Variants in TNRC6A observed in about 807,000 individuals in gnomAD.
TNRC6A encodes trinucleotide repeat-containing gene 6A protein.
A neutral mutation model predicts 221.2 loss-of-function variants in TNRC6A; 44 were observed. That is an observed-to-expected ratio of 0.20 (90% CI 0.16 to 0.26). The LOEUF (loss-of-function observed/expected upper bound fraction) is 0.26, where lower values mean the gene tolerates loss of function less well. TNRC6A is among the 10% of genes least tolerant of loss of function. TNRC6A has a pLI of 1.00. For missense variants in TNRC6A, 2,199 were observed against 2,404.4 expected, an observed-to-expected ratio of 0.91 and a Z score of 1.79; for synonymous variants, 847 against 838.5, an observed-to-expected ratio of 1.01 and a Z score of -0.18.
Position 24,822,942 on chromosome 16 carries a change from C to G in TNRC6A, c.5442C>G (p.Leu1814=), listed in dbSNP as rs866115671. ...HGPLITFHLN[L]PHGNALVRYS... ...CGCTGATCACATTCCACCTGAACCT[C>G]CCTCACGGAAATGCTCTGGTCCGCT... Residue 1814 remains leucine, a synonymous_variant, in exon 24 of 25, where the codon CTC becomes CTG. Transcript: ENST00000395799. 1 of 1,614,124 alleles carries G rather than the reference C, an allele frequency of 6.2e-7. No homozygotes were observed. The highest frequency in any genetic ancestry group is 2.2e-5 in the East Asian group (1 of 44,896).
At chr16:24,714,302 C>CTTTTTTTTTTTTTTTTT (rs60469088) in intron 2 of TNRC6A, among the ~76,000 whole-genome samples, 2 of 71,272 alleles carry the variant, frequency 2.8e-5, no homozygotes, top group Non-Finnish European at 4.9e-5. Context: ...TGCTGTTAAT[C>CTTTTTTTTTTTTTTTTT]TTTTTTTTTT....
At chr16:24,795,223 A>C (rs1420334058) in intron 8 of TNRC6A, among the ~76,000 whole-genome samples, 1 of 152,216 alleles carries the variant, frequency 6.6e-6, no homozygotes, top group Non-Finnish European at 1.5e-5. Flanking sequence ...TGTGTGGACA[A>C]ATCATATTCC....
intron 2 of TNRC6A, among the ~76,000 whole-genome samples, chr16:24,684,738 C>A (rs528499245): frequency 5.3e-5 from 8 of 150,868 alleles, no homozygotes; most frequent in Admixed American, 3.3e-4. Flanking sequence ...CCCAAGAGTT[C>A]GAGGTTACCG....
At chr16:24,816,513 C>T in intron 19 of TNRC6A, 1 of 245,688 alleles carries the variant, frequency 4.1e-6, no homozygotes, top group African/African-American at 2.3e-5. Context: ...CTCAAACATA[C>T]ATACATATAT....
Position 24,790,527 on chromosome 16 carries a change from A to AGTG in TNRC6A, c.1886_1888dup (p.Ser629_Ala630insGly). 6.2e-7 allele frequency: 1 copy of AGTG among 1,614,252 alleles called. No individual in the cohort carries two copies. The highest frequency in any genetic ancestry group is 8.5e-7 in the Non-Finnish European group (1 of 1,180,042). On this transcript the variant is annotated inframe_insertion, in exon 6 of 25. Transcript: ENST00000395799. ...GCCTAGCAATCAGCATTCCAATGAT[A>AGTG]GTGCAAATGGCAATGGTAAGACGTT...
At chr16:24,818,043 G>A (rs1037322736) in intron 20 of TNRC6A, among the ~76,000 whole-genome samples, 2 of 152,202 alleles carry the variant, frequency 1.3e-5, no homozygotes, top group Non-Finnish European at 2.9e-5. Context: ...AACTGGTGTA[G>A]TAATCCAGAT....
rs748075201 is a variant in TNRC6A, at chr16:24,790,039, A to C, written c.1397A>C (p.Asn466Thr). The C allele has an allele frequency of 6.2e-7, 1 of 1,614,114 alleles. No homozygotes were observed. Among genetic ancestry groups the C allele is most frequent in the Non-Finnish European group, 8.5e-7 (1 of 1,180,018 alleles). Residue 466 changes from asparagine to threonine, a missense_variant, in exon 6 of 25, where the codon AAC becomes ACC. Physicochemically the swap from Asn to Thr is moderately conservative, Grantham distance 65. Coordinates refer to ENST00000395799, the MANE Select transcript of TNRC6A (RefSeq NM_014494.4). ...TTNFMTSSLP[N>T]SGSVQNNELP... ...AACTTTATGACCTCTAGTTTACCAA[A>C]CTCCGGTTCAGTGCAGAATAATGAG... is the stretch of plus-strand genomic sequence containing the variant.
At position 24,774,112 on chromosome 16, in the gene TNRC6A, T is replaced by G. The variant is rs72768691; in HGVS notation, c.164-2821T>G. Reference sequence around the variant, plus strand: ...GATGAAGTTTTCTAATTTTCCTTTTTCCCCCCTTCCAGTGGTTTGGGTGAT... The same window carrying G: ...GATGAAGTTTTCTAATTTTCCTTTTGCCCCCCTTCCAGTGGTTTGGGTGAT... On this transcript the variant is annotated intron_variant, in intron 4 of 24. Coordinates refer to ENST00000395799, the MANE Select transcript of TNRC6A (RefSeq NM_014494.4). 3.3e-3 allele frequency among the ~76,000 whole-genome samples: 496 copies of G among 152,300 alleles called. 4 individuals carry two copies. Among genetic ancestry groups the G allele is most frequent in the Non-Finnish European group, 3.7e-3 (255 of 68,018 alleles).
At position 24,658,193 on chromosome 16, in the gene TNRC6A, T is replaced by C. The variant is rs1163126448; in HGVS notation, n.402+17184T>C. On this transcript the variant is annotated intron_variant and non_coding_transcript_variant, in intron 2 of 2. Transcript: ENST00000566108. ...TTAACATTTACAGTTTTGTTTCTGC[T>C]TGCTGTTTTATTTCAGAGTTCTAAA... Among the ~76,000 whole-genome samples, 8 of 152,300 alleles carry C rather than the reference T, an allele frequency of 5.3e-5. No individual in the cohort carries two copies. In the East Asian group the frequency reaches 1.5e-3, roughly 29 times the overall value.
At chr16:24,763,392 T>C (rs2057404677) in intron 4 of TNRC6A, among the ~76,000 whole-genome samples, 1 of 152,196 alleles carries the variant, frequency 6.6e-6, no homozygotes, top group Non-Finnish European at 1.5e-5. Context: ...GTTAAAATCA[T>C]AGCACACAGT....
chr16:24,649,816 CTTTTTTTTTTTTTTT>C (rs35308503), intron 2 of TNRC6A, among the ~76,000 whole-genome samples: 5 of 78,894 alleles, frequency 6.3e-5, no homozygotes, highest in African/African-American at 1.8e-4. Flanking sequence ...CTCTCTCTCT[CTTTTTTTTTTTTTTT>C]TTTTTTTTTT....
chr16:24,759,593 G>A (rs1395910354), intron 4 of TNRC6A, among the ~76,000 whole-genome samples: 3 of 152,068 alleles, frequency 2.0e-5, no homozygotes, highest in African/African-American at 7.2e-5. Flanking sequence ...TGGAGATAGA[G>A]GGAGCCACAG....
chr16:24,671,245 G>A (rs896571288), intron 2 of TNRC6A, among the ~76,000 whole-genome samples: 1 of 152,180 alleles, frequency 6.6e-6, no homozygotes, highest in African/African-American at 2.4e-5. Flanking sequence ...AGGAAGATGG[G>A]TGAGGCTAAA....
chr16:24,632,599 C>T (rs911993887), intron 1 of TNRC6A, among the ~76,000 whole-genome samples: 6 of 152,138 alleles, frequency 3.9e-5, no homozygotes, highest in African/African-American at 1.4e-4. Context: ...TTCATTCATA[C>T]CTTCCTCACT....
exon 1 of TNRC6A, chr16:24,610,333 C>T (rs1899987411): frequency 6.6e-6 from 1 of 152,302 alleles, no homozygotes; most frequent in Non-Finnish European, 1.5e-5. Flanking sequence ...CTGGCTCTCC[C>T]CATCGCTGGG....
At position 24,713,444 on chromosome 16, in the gene TNRC6A, AC is replaced by A. The variant is rs1330379400; in HGVS notation, n.403-37281del. ...AACAAACAAACAAACAAACAAACAA[AC>A]AAACAAAAAAATATATATATATATA... On this transcript the variant is annotated intron_variant and non_coding_transcript_variant, in intron 2 of 2. Coordinates refer to the TNRC6A transcript ENST00000566108. 2.5e-3 allele frequency among the ~76,000 whole-genome samples: 323 copies of A among 128,148 alleles called. 1 individual carries two copies. Among genetic ancestry groups the A allele is most frequent in the African/African-American group, 8.6e-3 (279 of 32,494 alleles). 84.1% of individuals were successfully genotyped at this position (128,148 alleles called of 152,430 possible). A position where few individuals can be genotyped will look rare whatever the true frequency, so the allele number is the denominator to read the frequency against.
At position 24,795,909 on chromosome 16, in the gene TNRC6A, T is replaced by A. The variant is rs762737438; in HGVS notation, c.3531T>A (p.Gly1177=). 1 of 1,607,284 alleles carries A rather than the reference T, an allele frequency of 6.2e-7. No homozygotes were observed. Among genetic ancestry groups the A allele is most frequent in the Non-Finnish European group, 8.5e-7 (1 of 1,175,120 alleles). ...PPYTKKMSSK[G]LSGKKRRRER... ...TGTGACTTTGTCTTTCCTTACAGGG[T>A]CTGAGTGGCAAAAAAAGGAGAAGGG... The change falls in exon 9 of 25, where the codon GGT becomes GGA. Residue 1177 remains glycine, a splice_region_variant and synonymous_variant. Coordinates refer to ENST00000395799, the MANE Select transcript of TNRC6A (RefSeq NM_014494.4).
intron 2 of TNRC6A, among the ~76,000 whole-genome samples, chr16:24,683,878 T>C (rs187173685): frequency 9.5e-4 from 144 of 152,292 alleles, no homozygotes; most frequent in African/African-American, 3.4e-3. Context: ...TGCTTCCCAG[T>C]CTCTCTTCCC....
chr16:24,680,920 C>T (rs983893750), intron 2 of TNRC6A, among the ~76,000 whole-genome samples: 8 of 151,194 alleles, frequency 5.3e-5, no homozygotes, highest in African/African-American at 9.7e-5. Flanking sequence ...CAACCACACT[C>T]GGCTAATTAA....
Sources: allele counts gnomAD v4.1 joint callset (sites outside exome capture counted in the v4.1 genomes callset), GRCh38; gene constraint gnomAD v4.1.1; transcripts MANE v1.5; gene names NCBI Gene and HGNC (gene_info 2026-07-23, HGNC 2026-07-21).